The following NWD2 variants were observed in gnomAD, a reference collection of about 807,000 sequenced individuals.
NWD2 encodes the protein NACHT and WD repeat domain containing 2.
A neutral mutation model predicts 132.7 loss-of-function variants in NWD2; 37 were observed. The ratio of observed to expected loss-of-function variants is 0.28; its 90% confidence interval spans 0.21 to 0.37. NWD2 has a LOEUF of 0.37. Ranked by LOEUF, NWD2 falls within the 10% of genes least tolerant of loss-of-function variation. NWD2 has a pLI of 1.00. For missense variants in NWD2, 1,592 were observed against 2,122.4 expected (o/e 0.75, Z 4.91); for synonymous variants, 705 against 803.0 (o/e 0.88, Z 2.06).
At chr4:37,262,192 G>C (rs17492932) in intron 1 of NWD2, among the ~76,000 whole-genome samples, 24,603 of 152,164 alleles carry the variant, frequency 0.16, 2,560 homozygotes, top group South Asian at 0.32. Flanking sequence ...TGTGGAGCCA[G>C]CATGTTATCT....
intron 2 of NWD2, among the ~76,000 whole-genome samples, chr4:37,346,567 A>G (rs1719641113): frequency 6.6e-6 from 1 of 152,188 alleles, no homozygotes; most frequent in Non-Finnish European, 1.5e-5. Context: ...TAGGGGATTT[A>G]TAGTGATTGG....
chr4:37,283,125 C>G (rs1444341695), intron 1 of NWD2, among the ~76,000 whole-genome samples: 1 of 152,160 alleles, frequency 6.6e-6, no homozygotes, highest in Admixed American at 6.5e-5. Context: ...ACCATGATTT[C>G]TACTGAACTC....
In NWD2 at chr4:37,445,902, T is replaced by A. The variant is rs1245631429; in HGVS notation, c.3914T>A (p.Ile1305Lys). 1 of 1,551,752 alleles carries A rather than the reference T, an allele frequency of 6.4e-7. No homozygotes were observed. The highest frequency in any genetic ancestry group is 8.7e-7 in the Non-Finnish European group (1 of 1,147,026). ...GTTCTTTCCATTTGGGACATAGATA[T>A]AATCACAGCTATGTCCAACATAGAT... The part of the protein sequence containing the change: ...SGVLSIWDID[I>K]ITAMSNIDKT... The change falls in exon 7 of 7, where the codon ATA becomes AAA. Residue 1305 changes from isoleucine to lysine, a missense_variant. Ile to Lys is a moderately radical substitution (Grantham distance 102). Around this residue, in one of 7 missense-constraint regions of NWD2, gnomAD observed 1,071 missense variants for 1,398.0 expected, o/e 0.77. Transcript: ENST00000309447. This position sits in a 1 kb window ranked among gnomAD's most constrained non-coding sequence, Gnocchi z 4.7.
At chr4:37,395,004 G>A (rs894167891) in intron 3 of NWD2, among the ~76,000 whole-genome samples, 7 of 151,038 alleles carry the variant, frequency 4.6e-5, no homozygotes, top group African/African-American at 1.2e-4. Flanking sequence ...GTAGAGATGG[G>A]GTTTCACCAT....
intron 2 of NWD2, among the ~76,000 whole-genome samples, chr4:37,346,112 A>G (rs1824950): frequency 0.36 from 54,160 of 150,536 alleles, 10,666 homozygotes; most frequent in Middle Eastern, 0.51. Flanking sequence ...TACTACTCCT[A>G]TGTTTTTCCC....
At chr4:37,245,825 G>T (rs992456267) in intron 1 of NWD2, among the ~76,000 whole-genome samples, 18 of 152,194 alleles carry the variant, frequency 1.2e-4, no homozygotes, top group African/African-American at 4.3e-4. Context: ...GCTCATCTCA[G>T]TTGGGTCACA....
intron 3 of NWD2, among the ~76,000 whole-genome samples, chr4:37,366,275 G>A (rs1720096823): frequency 6.6e-6 from 1 of 152,238 alleles, no homozygotes; most frequent in South Asian, 2.1e-4. Context: ...TGCCTTTGAG[G>A]CATTTTAATT....
rs1712588922 is a variant in NWD2 at position 37,444,752 on chromosome 4, G to T, written c.2764G>T (p.Val922Leu). 6.4e-7 allele frequency: 1 copy of T among 1,551,930 alleles called. No individual in the cohort carries two copies. Among genetic ancestry groups the T allele is most frequent in the Non-Finnish European group, 8.7e-7 (1 of 1,147,056 alleles). The change falls in exon 7 of 7, where the codon GTA (valine) becomes TTA (leucine). Residue 922 changes from valine (V) to leucine (L), a missense_variant. This residue lies in a region of NWD2 where 1,071 missense variants were observed against 1,398.0 expected (regional missense o/e 0.77). Transcript: ENST00000309447. The surrounding 1 kb of genome is among the most constrained non-coding windows in gnomAD (Gnocchi z 4.8). ...GCTTCAGCAAAGACTGCTGCCTGTT[G>T]TAAGCTCCCTGCCCAAACTTAGACA... ...AELQQRLLPV[V>L]SSLPKLRHLL...
intron 1 of NWD2, among the ~76,000 whole-genome samples, chr4:37,305,913 G>A (rs1200944269): frequency 2.0e-5 from 3 of 152,140 alleles, no homozygotes; most frequent in African/African-American, 4.8e-5. Flanking sequence ...AAAAGTTTGA[G>A]AAGAATTGTT....
chr4:37,292,178 C>T (rs937202133), intron 1 of NWD2, among the ~76,000 whole-genome samples: 1 of 152,080 alleles, frequency 6.6e-6, no homozygotes, highest in Non-Finnish European at 1.5e-5. Context: ...AATTCCTAGG[C>T]GCTCCAAAGA....
intron 3 of NWD2, among the ~76,000 whole-genome samples, chr4:37,404,005 C>T (rs1004511383): frequency 3.3e-5 from 5 of 152,152 alleles, no homozygotes; most frequent in Non-Finnish European, 7.4e-5. Flanking sequence ...GAATTAGATC[C>T]ACATTCCTCA....
chr4:37,368,007 G>A (rs917959661), intron 3 of NWD2, among the ~76,000 whole-genome samples: 1 of 152,010 alleles, frequency 6.6e-6, no homozygotes, highest in Non-Finnish European at 1.5e-5. Context: ...GAAGTAGAGG[G>A]ATTGAACTAT....
At chr4:37,427,206 C>A (rs1241911407) in intron 3 of NWD2, among the ~76,000 whole-genome samples, 2 of 152,136 alleles carry the variant, frequency 1.3e-5, no homozygotes, top group East Asian at 3.8e-4. Context: ...CTTAGACATT[C>A]TCTTATTCCC....
Position 37,423,935 on chromosome 4 carries a change from G to A in NWD2, c.358-6637G>A, listed in dbSNP as rs77204566. 7.4e-3 allele frequency among the ~76,000 whole-genome samples: 1,130 copies of A among 152,176 alleles called. 48 individuals are homozygous for A. The East Asian group carries it at 0.12, about 16-fold the overall frequency. ...TATTACAAATTCAGATACATGTATA[G>A]GTGCTTCTTGACTTCCAAATCATTG... On this transcript the variant is annotated intron_variant, in intron 3 of 6. Coordinates refer to ENST00000309447, the MANE Select transcript of NWD2 (RefSeq NM_001144990.2).
At chr4:37,346,222 T>C (rs1253979335) in intron 2 of NWD2, among the ~76,000 whole-genome samples, 1 of 152,198 alleles carries the variant, frequency 6.6e-6, no homozygotes, top group Non-Finnish European at 1.5e-5. Context: ...CTTCATTCTT[T>C]TGCATGTGAA....
intron 1 of NWD2, among the ~76,000 whole-genome samples, chr4:37,286,715 A>G (rs901518378): frequency 5.3e-5 from 8 of 152,206 alleles, no homozygotes; most frequent in Non-Finnish European, 1.0e-4. Context: ...CCTTCTTCAC[A>G]GGGCTTTCAT....
Position 37,316,588 on chromosome 4 carries a change from C to T in NWD2, c.152-9348C>T, listed in dbSNP as rs557913925. On this transcript the variant is annotated intron_variant, in intron 1 of 6. Coordinates refer to ENST00000309447, the MANE Select transcript of NWD2 (RefSeq NM_001144990.2). The stretch of plus-strand genomic sequence containing the variant: ...CTTCCTTTCCCTTTATCTTCTCCTT[C>T]TGGGACTCACTTTACATAGATATTA... Among the ~76,000 whole-genome samples, 32 of 152,158 alleles carry T rather than the reference C, an allele frequency of 2.1e-4. 1 individual carries two copies. The South Asian group carries it at 4.2e-3, about 20-fold the overall frequency.
At chr4:37,356,326 C>T in intron 2 of NWD2, 40 bp from the exon 3 acceptor site, 3 of 1,082,586 alleles carry the variant, frequency 2.8e-6, no homozygotes, top group Admixed American at 2.8e-5. Context: ...AAAAACAAAG[C>T]CCACATGTAA....
intron 3 of NWD2, among the ~76,000 whole-genome samples, chr4:37,426,240 C>T (rs1477392193): frequency 3.3e-5 from 5 of 152,146 alleles, no homozygotes; most frequent in Non-Finnish European, 5.9e-5. Context: ...AGGTAGAATC[C>T]TGTCTTAGAC....
Sources: allele counts gnomAD v4.1 joint callset (sites outside exome capture counted in the v4.1 genomes callset), GRCh38; gene constraint gnomAD v4.1.1; regional missense constraint gnomAD v4.1.1; non-coding constraint Gnocchi (gnomAD v3.1); transcripts MANE v1.5; gene names NCBI Gene and HGNC (gene_info 2026-07-23, HGNC 2026-07-21).